The following SLC24A2 variants were observed in gnomAD, a reference collection of about 807,000 sequenced individuals.
SLC24A2 encodes solute carrier family 24 member 2, also known as sodium/potassium/calcium exchanger 2.
SLC24A2 carries 36 observed loss-of-function variants against 62.0 expected under a neutral mutation model. That is an observed-to-expected ratio of 0.58 (90% CI 0.44 to 0.77). SLC24A2 has a LOEUF of 0.77. SLC24A2 is among the 30% of genes least tolerant of loss of function. The probability of loss-of-function intolerance (pLI) is 0.00; values close to 1 mark genes in which losing one functional copy is unlikely to be tolerated. For missense variants in SLC24A2, 846 were observed against 817.9 expected, an observed-to-expected ratio of 1.03 and a Z score of -0.42; for synonymous variants, 358 against 294.0, an observed-to-expected ratio of 1.22 and a Z score of -2.23.
chr9:19,819,220 A>G, the SLC24A2 span, among the ~76,000 whole-genome samples: 1 of 152,176 alleles, frequency 6.6e-6, no homozygotes, highest in Non-Finnish European at 1.5e-5. Flanking sequence ...AAAGACTTAA[A>G]CCTAAGACCT....
chr9:19,832,592 A>T, the SLC24A2 span, among the ~76,000 whole-genome samples: 1 of 152,218 alleles, frequency 6.6e-6, no homozygotes, highest in South Asian at 2.1e-4. Flanking sequence ...AAATTAATTC[A>T]AGATGGATTA....
chr9:19,634,184 A>G (rs1206339046), intron 2 of SLC24A2, among the ~76,000 whole-genome samples: 2 of 151,878 alleles, frequency 1.3e-5, no homozygotes, highest in East Asian at 3.9e-4. Context: ...TTGGGGTAAA[A>G]GGCTGAGTGA....
At chr9:19,869,660 T>G in the SLC24A2 span, among the ~76,000 whole-genome samples, 1 of 152,198 alleles carries the variant, frequency 6.6e-6, no homozygotes, top group Non-Finnish European at 1.5e-5. Context: ...GTCCTGATAA[T>G]TAAAAAAGCT....
the SLC24A2 span, among the ~76,000 whole-genome samples, chr9:20,198,270 G>C: frequency 6.6e-6 from 1 of 152,330 alleles, no homozygotes; most frequent in South Asian, 2.1e-4. Context: ...CTAAGCTTCA[G>C]GGTTCAGGAG....
chr9:20,114,140 A>G, the SLC24A2 span, among the ~76,000 whole-genome samples: 2 of 152,128 alleles, frequency 1.3e-5, no homozygotes, highest in Non-Finnish European at 2.9e-5. Flanking sequence ...GAGAGAGCTG[A>G]ACAGAAAGAG....
At chr9:20,283,453 T>G in the SLC24A2 span, among the ~76,000 whole-genome samples, 93 of 152,308 alleles carry the variant, frequency 6.1e-4, no homozygotes, top group African/African-American at 2.1e-3. Flanking sequence ...CAGTCGGGCC[T>G]CTGCAGATTC....
the SLC24A2 span, among the ~76,000 whole-genome samples, chr9:20,284,107 C>A: frequency 1.3e-5 from 2 of 152,078 alleles, no homozygotes; most frequent in Admixed American, 6.6e-5. Context: ...CGATAATTGC[C>A]GAACTATCAC....
chr9:19,829,319 G>A, the SLC24A2 span, among the ~76,000 whole-genome samples: 3 of 152,142 alleles, frequency 2.0e-5, no homozygotes, highest in Non-Finnish European at 2.9e-5. Flanking sequence ...GGTTGATATA[G>A]CTTCCCCCAC....
chr9:20,296,240 A>G, the SLC24A2 span, among the ~76,000 whole-genome samples: 1 of 152,272 alleles, frequency 6.6e-6, no homozygotes, highest in Admixed American at 6.5e-5. Flanking sequence ...GAGTGTTTCC[A>G]AACTCAAAGA....
chr9:19,887,063 A>C, the SLC24A2 span, among the ~76,000 whole-genome samples: 1 of 152,030 alleles, frequency 6.6e-6, no homozygotes, highest in Non-Finnish European at 1.5e-5. Context: ...GGGACAGGGG[A>C]AGGGAGAGAA....
intron 2 of SLC24A2, among the ~76,000 whole-genome samples, chr9:19,706,032 G>A (rs1357747187): frequency 6.6e-6 from 1 of 152,010 alleles, no homozygotes; most frequent in Admixed American, 6.5e-5. Context: ...TGACAGTGGG[G>A]TGTTAAAGTC....
At chr9:19,558,219 G>T (rs999501687) in intron 7 of SLC24A2, among the ~76,000 whole-genome samples, 1 of 152,154 alleles carries the variant, frequency 6.6e-6, no homozygotes, top group Middle Eastern at 3.2e-3. Context: ...AGACCTGGGG[G>T]TGTGTGGAGA....
chr9:19,690,918 T>TGAGAGA (rs3086331), intron 2 of SLC24A2, among the ~76,000 whole-genome samples: 1 of 150,970 alleles, frequency 6.6e-6, no homozygotes, highest in Non-Finnish European at 1.5e-5. Flanking sequence ...TGTGTGCGTG[T>TGAGAGA]GAGAGAGAGA....
chr9:19,912,386 C>G, the SLC24A2 span, among the ~76,000 whole-genome samples: 1 of 152,102 alleles, frequency 6.6e-6, no homozygotes, highest in Admixed American at 6.6e-5. Flanking sequence ...TTCCCTGTTC[C>G]TATCCCATTG....
the SLC24A2 span, among the ~76,000 whole-genome samples, chr9:20,270,119 CCA>C: frequency 6.6e-6 from 1 of 152,110 alleles, no homozygotes; most frequent in South Asian, 2.1e-4. Flanking sequence ...AAAAAATAAT[CCA>C]GTCTTGTCAG....
chr9:19,775,401 T>C (rs890308212), intron 2 of SLC24A2, among the ~76,000 whole-genome samples: 1 of 152,224 alleles, frequency 6.6e-6, no homozygotes, highest in Admixed American at 6.5e-5. Flanking sequence ...TCTATGCCTT[T>C]TTTACTCTGC....
At chr9:19,578,528 C>T (rs1355386597) in intron 5 of SLC24A2, among the ~76,000 whole-genome samples, 4 of 140,680 alleles carry the variant, frequency 2.8e-5, no homozygotes, top group Non-Finnish European at 6.1e-5. Flanking sequence ...CAAAACACCA[C>T]AACCCCTACA....
chr9:19,890,326 C>T, the SLC24A2 span, among the ~76,000 whole-genome samples: 1 of 152,136 alleles, frequency 6.6e-6, no homozygotes, highest in Non-Finnish European at 1.5e-5. Context: ...AAGGAAATTG[C>T]ACAAGGGCAT....
chr9:19,867,103 G>A, the SLC24A2 span, among the ~76,000 whole-genome samples: 104 of 152,048 alleles, frequency 6.8e-4, no homozygotes, highest in Middle Eastern at 0.031. Context: ...AATTCTTGAG[G>A]GTATCTATAA....
Sources: allele counts gnomAD v4.1 joint callset (sites outside exome capture counted in the v4.1 genomes callset), GRCh38; gene constraint gnomAD v4.1.1; transcripts MANE v1.5; gene names NCBI Gene and HGNC (gene_info 2026-07-23, HGNC 2026-07-21).